The following MDGA2 variants were observed in gnomAD, a reference collection of about 807,000 sequenced individuals.
MDGA2 encodes the protein MAM domain containing glycosylphosphatidylinositol anchor 2.
MDGA2 carries 40 observed loss-of-function variants against 117.8 expected under a neutral mutation model. The ratio of observed to expected loss-of-function variants is 0.34; its 90% CI spans 0.26 to 0.44. The LOEUF (loss-of-function observed/expected upper bound fraction) is 0.44, where lower values mean the gene tolerates loss of function less well. Ranked by LOEUF, MDGA2 falls within the 20% of genes least tolerant of loss-of-function variation. The pLI, the probability that MDGA2 is intolerant of heterozygous loss-of-function variation, is 1.00. For missense variants in MDGA2, 1,123 were observed against 1,250.6 expected, an observed-to-expected ratio of 0.90 and a Z score of 1.54; for synonymous variants, 452 against 439.0, an observed-to-expected ratio of 1.03 and a Z score of -0.37.
At chr14:47,031,233 C>T (rs1201936437) in intron 8 of MDGA2, among the ~76,000 whole-genome samples, 12 of 150,162 alleles carry the variant, frequency 8.0e-5, no homozygotes, top group South Asian at 4.2e-4. Context: ...TATATATACA[C>T]ACACACACAC....
chr14:46,891,291 G>C (rs114639044), intron 10 of MDGA2, among the ~76,000 whole-genome samples: 1,980 of 151,580 alleles, frequency 0.013, 37 homozygotes, highest in African/African-American at 0.045. Flanking sequence ...TAGAATTACT[G>C]TTTCTAAATA....
At chr14:47,012,804 A>C (rs574650542) in intron 8 of MDGA2, among the ~76,000 whole-genome samples, 5 of 152,262 alleles carry the variant, frequency 3.3e-5, no homozygotes, top group African/African-American at 1.2e-4. Flanking sequence ...CACTGCAATA[A>C]GCAAATATTG....
chr14:47,611,040 C>A (rs1697296660), intron 1 of MDGA2, among the ~76,000 whole-genome samples: 1 of 151,874 alleles, frequency 6.6e-6, no homozygotes, highest in South Asian at 2.1e-4. Flanking sequence ...GAATAGAGAA[C>A]CCAGAAGTAA....
intron 1 of MDGA2, among the ~76,000 whole-genome samples, chr14:47,359,888 A>G (rs1891079199): frequency 1.3e-5 from 2 of 152,182 alleles, no homozygotes; most frequent in Non-Finnish European, 2.9e-5. Context: ...GGGATATATC[A>G]AACTAAAAGG....
intron 1 of MDGA2, among the ~76,000 whole-genome samples, chr14:47,454,970 A>G (rs1054551790): frequency 1.3e-5 from 2 of 152,250 alleles, no homozygotes; most frequent in Non-Finnish European, 2.9e-5. Context: ...AGAAGTGGAT[A>G]TAACAGTGTG....
chr14:47,221,707 A>C (rs1303325876), intron 2 of MDGA2, among the ~76,000 whole-genome samples: 1 of 147,948 alleles, frequency 6.8e-6, no homozygotes, highest in Non-Finnish European at 1.5e-5. Flanking sequence ...AAAAAAAGAG[A>C]TTACGGGAAG....
intron 1 of MDGA2, among the ~76,000 whole-genome samples, chr14:47,650,290 T>A (rs1897615240): frequency 6.6e-6 from 1 of 152,166 alleles, no homozygotes; most frequent in Non-Finnish European, 1.5e-5. Flanking sequence ...CAGCTGCAGA[T>A]CTTGGGACTT....
intron 3 of MDGA2, among the ~76,000 whole-genome samples, chr14:47,199,107 A>C (rs1165792207): frequency 2.6e-5 from 4 of 151,874 alleles, no homozygotes; most frequent in Non-Finnish European, 5.9e-5. Context: ...CATCCTACTG[A>C]CCTGCCTTAC....
chr14:47,387,246 G>A lies in MDGA2; in HGVS notation c.281-85696C>T, dbSNP rs560798650. Among the ~76,000 whole-genome samples the A allele has an allele frequency of 2.2e-4, 34 of 152,188 alleles. No individual in the cohort carries two copies. In the South Asian group the frequency reaches 6.2e-3, roughly 28 times the overall value. ...AATCAGCATCCTTTCTTCAGTTCGC[G>A]AACAGGTTGTTTGAGACCAAGACAA... On this transcript the variant is annotated intron_variant, in intron 1 of 16. Transcript: ENST00000399232.
At chr14:47,673,632 ATGTGTGTG>A (rs10528657) in intron 1 of MDGA2, among the ~76,000 whole-genome samples, 25,302 of 144,016 alleles carry the variant, frequency 0.18, 2,167 homozygotes, top group East Asian at 0.21. Context: ...TATGACCTGG[ATGTGTGTG>A]TGTGTGTGTG....
chr14:47,424,528 T>C (rs1892645955), intron 1 of MDGA2, among the ~76,000 whole-genome samples: 2 of 152,212 alleles, frequency 1.3e-5, no homozygotes, highest in Admixed American at 1.3e-4. Flanking sequence ...ACTATATCCC[T>C]TATACTCATT....
At chr14:46,918,108 T>G (rs1209053118) in intron 10 of MDGA2, among the ~76,000 whole-genome samples, 1 of 152,096 alleles carries the variant, frequency 6.6e-6, no homozygotes, top group Non-Finnish European at 1.5e-5. Context: ...ACCCAGAGAC[T>G]CCAAGAAAAC....
Position 46,851,441 on chromosome 14 carries a change from T to C in MDGA2, c.2883+3583A>G, listed in dbSNP as rs193017191. 2.7e-3 allele frequency among the ~76,000 whole-genome samples: 403 copies of C among 152,008 alleles called. 3 individuals carry two copies. The highest frequency in any genetic ancestry group is 0.018 in the South Asian group (89 of 4,830). ...CTGTTTTCATCCCAAGCACTGATCA[T>C]GCTAAGTTAATTCTAGTAAATGAAC... On this transcript the variant is annotated intron_variant, in intron 15 of 16. Transcript: ENST00000399232.
chr14:47,487,665 C>T (rs1285299108), intron 1 of MDGA2, among the ~76,000 whole-genome samples: 1 of 152,152 alleles, frequency 6.6e-6, no homozygotes, highest in Non-Finnish European at 1.5e-5. Context: ...AGCCTGACAT[C>T]TCTTAATGTT....
intron 14 of MDGA2, among the ~76,000 whole-genome samples, chr14:46,872,856 C>T (rs1882066193): frequency 1.3e-5 from 2 of 151,888 alleles, no homozygotes; most frequent in African/African-American, 4.8e-5. Context: ...CTATCTAGCA[C>T]AGTTGTGCAT....
intron 1 of MDGA2, among the ~76,000 whole-genome samples, chr14:47,553,714 AT>A (rs1262027481): frequency 6.9e-5 from 10 of 145,348 alleles, no homozygotes; most frequent in African/African-American, 2.5e-4. Context: ...ATATATACTT[AT>A]AAAAACAATA....
At chr14:47,605,484 T>C (rs1896726020) in intron 1 of MDGA2, among the ~76,000 whole-genome samples, 1 of 152,184 alleles carries the variant, frequency 6.6e-6, no homozygotes, top group South Asian at 2.1e-4. Flanking sequence ...GAAACTGCTG[T>C]ATCTTTCACA....
chr14:47,174,243 A>G (rs1032537681), intron 3 of MDGA2, among the ~76,000 whole-genome samples: 3 of 152,178 alleles, frequency 2.0e-5, no homozygotes, highest in African/African-American at 7.2e-5. Flanking sequence ...GATCAACGAG[A>G]CAGAAAGTTA....
intron 11 of MDGA2, among the ~76,000 whole-genome samples, chr14:46,880,166 C>G (rs895502430): frequency 6.6e-6 from 1 of 151,522 alleles, no homozygotes; most frequent in Admixed American, 6.6e-5. Flanking sequence ...CTCTACTAAA[C>G]ATACAAACAT....
Sources: gnomAD v4.1 joint callset for allele counts (sites outside exome capture counted in the v4.1 genomes callset) on GRCh38, gnomAD v4.1.1 for gene constraint, MANE v1.5 for transcripts, NCBI Gene and HGNC (gene_info 2026-07-23, HGNC 2026-07-21) for gene names.